Variants in HCN2 observed in about 807,000 individuals in gnomAD.
The protein encoded by HCN2 is potassium/sodium hyperpolarization-activated cyclic nucleotide-gated channel 2.
In HCN2, 20 loss-of-function variants were observed where a neutral mutation model predicts 52.3. The observed-to-expected ratio is 0.38, with a 90% CI of 0.27 to 0.56. The LOEUF is 0.56. Ranked by LOEUF, HCN2 falls within the 20% of genes least tolerant of loss-of-function variation. The pLI is 0.71. For missense variants in HCN2, 981 were observed against 1,207.7 expected, an observed-to-expected ratio of 0.81 and a Z score of 2.78; for synonymous variants, 694 against 537.0, an observed-to-expected ratio of 1.29 and a Z score of -4.04.
At chr19:610,167 C>T (rs989785416) in intron 4 of HCN2, 92 bp from the exon 5 acceptor site, 2 of 1,470,080 alleles carry the variant, frequency 1.4e-6, no homozygotes, top group East Asian at 2.4e-5. Context: ...GGTGTCTGAC[C>T]CAGCCTCGCC....
intron 1 of HCN2, among the ~76,000 whole-genome samples, 179 bp from the exon 2 acceptor site, chr19:603,365 G>A (rs1326662914): frequency 6.7e-6 from 1 of 148,542 alleles, no homozygotes; most frequent in African/African-American, 2.5e-5. Flanking sequence ...CCAGCCTGAG[G>A]TGTGGGTGCC....
chr19:608,382 G>A (rs1002266568), intron 4 of HCN2, among the ~76,000 whole-genome samples, 200 bp downstream of exon 4: 11 of 151,474 alleles, frequency 7.3e-5, no homozygotes, highest in Non-Finnish European at 1.2e-4. Context: ...GGGGAGGGGC[G>A]GGCCCGGCCC....
At position 616,836 on chromosome 19, in the gene HCN2, G is replaced by GC. The variant is rs1014575910; in HGVS notation, c.*367dup. ...CCGCCCGCCCCCCACCCTCTAGGTG[G>GC]CCCCCGTCCGAGGAGGATCGTTTTC... On this transcript the variant is annotated 3_prime_UTR_variant, in exon 8 of 8. Coordinates refer to ENST00000251287, the MANE Select transcript of HCN2 (RefSeq NM_001194.4). 5.2e-6 allele frequency: 1 copy of GC among 192,348 alleles called. No homozygotes were observed. Among genetic ancestry groups the GC allele is most frequent in the African/African-American group, 2.4e-5 (1 of 41,888 alleles). 11.9% of individuals were successfully genotyped at this position (192,348 alleles called of 1,614,324 possible).
intron 1 of HCN2, among the ~76,000 whole-genome samples, chr19:594,267 A>G (rs2077889351): frequency 6.6e-6 from 1 of 152,072 alleles, no homozygotes; most frequent in African/African-American, 2.4e-5. Context: ...AGACCTGGGC[A>G]GATCCGGGGT....
intron 1 of HCN2, among the ~76,000 whole-genome samples, chr19:594,600 G>A (rs1477619316): frequency 3.9e-5 from 6 of 152,292 alleles, no homozygotes; most frequent in East Asian, 1.9e-4. Context: ...ATGGCTGAGT[G>A]GGTCAGCGGG....
chr19:590,357 C>T lies in HCN2; in HGVS notation c.412C>T (p.Pro138Ser). The change falls in exon 1 of 8, where the codon CCG (proline) becomes TCG (serine). Residue 138 changes from proline to serine, a missense_variant. Physicochemically the swap from Pro to Ser is moderately conservative, Grantham distance 74. Transcript: ENST00000251287. The surrounding 1 kb of genome is among the most constrained non-coding windows in gnomAD (Gnocchi z 7.2). ...GGCGGCCTCGGGGCCCGCGCCGGGG[C>T]CGGGGCCGGCGGAGGAGGCGGGCAG... ...RGAASGPAPGPGPAEEAGSEE... is the reference protein window; with the variant it reads ...RGAASGPAPGSGPAEEAGSEE... 8.9e-7 allele frequency: 1 copy of T among 1,124,274 alleles called. No homozygotes were observed. The highest frequency in any genetic ancestry group is 1.1e-6 in the Non-Finnish European group (1 of 920,370). The allele number at this position is 1,124,274 out of a possible 1,614,324, so 69.6% of individuals were successfully genotyped here.
chr19:597,482 T>C (rs1983064184), intron 1 of HCN2, among the ~76,000 whole-genome samples: 1 of 151,988 alleles, frequency 6.6e-6, no homozygotes, highest in Non-Finnish European at 1.5e-5. Context: ...TGGTGGTTTC[T>C]AGGTCTCCTT....
intron 4 of HCN2, among the ~76,000 whole-genome samples, chr19:608,677 C>T (rs904989655): frequency 1.3e-5 from 2 of 151,874 alleles, no homozygotes; most frequent in Non-Finnish European, 2.9e-5. Context: ...TCGGGAAGCC[C>T]CCGGGCTGAA....
At chr19:613,831 C>G (rs751602379) in intron 6 of HCN2, 21 bp from the exon 7 acceptor site, 11 of 1,524,166 alleles carry the variant, frequency 7.2e-6, no homozygotes, top group Non-Finnish European at 9.6e-6. Flanking sequence ...CCAGCAACCC[C>G]CCCCTGCGCG....
At position 589,895 on chromosome 19, in the gene HCN2, CCGGCGG is replaced by C; in HGVS notation, c.-37_-32del. The C allele has an allele frequency of 3.7e-5, 26 of 712,166 alleles. No individual in the cohort carries two copies. Among genetic ancestry groups the C allele is most frequent in the Non-Finnish European group, 4.2e-5 (25 of 593,148 alleles). The allele number at this position is 712,166 out of a possible 1,614,324, so 44.1% of individuals were successfully genotyped here. A position where few individuals can be genotyped will look rare whatever the true frequency, so the allele number is the denominator to read the frequency against. On this transcript the variant is annotated 5_prime_UTR_variant, in exon 1 of 8. Transcript: ENST00000251287. ...GCCTCCCCCCTCCCTCGGGCTCCGG[CCGGCGG>C]CGGCGGCGGCGGCTCCGCTCCGCAC...
intron 3 of HCN2, among the ~76,000 whole-genome samples, 181 bp from the exon 4 acceptor site, chr19:607,782 CA>C (rs1425479678): frequency 1.3e-5 from 2 of 152,230 alleles, no homozygotes; most frequent in Non-Finnish European, 2.9e-5. Context: ...CCTGCCAACT[CA>C]CTGTGACAAG....
rs533345141 is a variant in HCN2 at position 616,552 on chromosome 19, GC to G, written c.*82del. 1.4e-3 allele frequency: 1,194 copies of G among 845,310 alleles called. 11 individuals are homozygous for G. The African/African-American group carries it at 0.017, about 12-fold the overall frequency. The allele number at this position is 845,310 out of a possible 1,614,324, so 52.4% of individuals were successfully genotyped here. ...CAGACCAAAGCCATGCCATTGCGCT[GC>G]CCCGGCCGCCAGTCCGCCCAGAAGC... On this transcript the variant is annotated 3_prime_UTR_variant, in exon 8 of 8. Transcript: ENST00000251287.
chr19:605,248 G>T (rs368674625), intron 3 of HCN2, 26 bp downstream of exon 3: 32 of 1,606,860 alleles, frequency 2.0e-5, no homozygotes, highest in Admixed American at 5.0e-5. Context: ...CCTGACGGAG[G>T]GGGAGACGCA....
chr19:601,848 C>T (rs532157517), intron 1 of HCN2, among the ~76,000 whole-genome samples: 12 of 152,056 alleles, frequency 7.9e-5, no homozygotes, highest in African/African-American at 2.4e-4. Flanking sequence ...GGCCCTGAAC[C>T]GACAGGACCT....
At position 616,211 on chromosome 19, in the gene HCN2, C is replaced by T; in HGVS notation, c.2407C>T (p.Leu803Phe). Residue 803 changes from leucine to phenylalanine, a missense_variant, in exon 8 of 8, where the codon CTT (leucine) becomes TTT (phenylalanine). Coordinates refer to ENST00000251287, the MANE Select transcript of HCN2 (RefSeq NM_001194.4). ...CTACGGCGGCCTGCCCGCCGCCCCC[C>T]TTGCTGGGCCCGCCCTGCCCGCGCG... ...SPYGGLPAAP[L>F]AGPALPARRL... The T allele has an allele frequency of 4.1e-6, 4 of 987,638 alleles. No homozygotes were observed. The highest frequency in any genetic ancestry group is 4.8e-6 in the Non-Finnish European group (4 of 832,680). The allele number at this position is 987,638 out of a possible 1,614,324, so 61.2% of individuals were successfully genotyped here.
At position 592,644 on chromosome 19, in the gene HCN2, G is replaced by T. The variant is rs1393601713; in HGVS notation, c.632+2067G>T. Among the ~76,000 whole-genome samples the T allele has an allele frequency of 6.6e-6, 1 of 152,116 alleles. No individual in the cohort carries two copies. Among genetic ancestry groups the T allele is most frequent in the Non-Finnish European group, 1.5e-5 (1 of 68,004 alleles). ...GGGACTAGGGGAGTCACGGCAGTCA[G>T]ATTTTAAAAAAGGATTTCGATGTTG... On this transcript the variant is annotated intron_variant, in intron 1 of 7. Coordinates refer to ENST00000251287, the MANE Select transcript of HCN2 (RefSeq NM_001194.4). This position sits in a 1 kb window ranked among gnomAD's most constrained non-coding sequence, Gnocchi z 4.8.
At chr19:613,186 C>A (rs929265932) in intron 5 of HCN2, 62 bp from the exon 6 acceptor site, 2 of 1,537,588 alleles carry the variant, frequency 1.3e-6, no homozygotes, top group Non-Finnish European at 8.8e-7. Context: ...GTCCCAGAGG[C>A]AGGGCGAGGG....
rs142072194 is a variant in HCN2, at chr19:615,869, G to A, written c.2065G>A (p.Ala689Thr). ...GGGCGTATTCAACAACCAGGAGAAC[G>A]CCATCATCCAGGAGATCGTCAAGTA... ...NSGVFNNQEN[A>T]IIQEIVKYDR... The change falls in exon 8 of 8, where the codon GCC (alanine) becomes ACC (threonine). Residue 689 changes from alanine to threonine, a missense_variant. Coordinates refer to ENST00000251287, the MANE Select transcript of HCN2 (RefSeq NM_001194.4). The A allele has an allele frequency of 1.1e-5, 18 of 1,613,048 alleles. No homozygotes were observed. Among genetic ancestry groups the A allele is most frequent in the Non-Finnish European group, 1.4e-5 (17 of 1,179,882 alleles).
chr19:604,925 G>GTGGGGGT lies in HCN2; in HGVS notation c.1057-136_1057-135insTGGGGGT, dbSNP rs1600526930. 4.3e-6 allele frequency: 4 copies of GTGGGGGT among 923,342 alleles called. No homozygotes were observed. The East Asian group carries it at 8.4e-5, about 19-fold the overall frequency. 57.2% of individuals were successfully genotyped at this position (923,342 alleles called of 1,614,324 possible). ...TCCCGGGGCAGGGCTGCAGGGTGGG[G>GTGGGGGT]CGGGGGTCCTGTGCGGGGCCTTGGA... On this transcript the variant is annotated intron_variant, in intron 2 of 7. Transcript: ENST00000251287.
Sources: gnomAD v4.1 joint callset for allele counts (sites outside exome capture counted in the v4.1 genomes callset) on GRCh38, gnomAD v4.1.1 for gene constraint, Gnocchi (gnomAD v3.1) non-coding constraint, MANE v1.5 for transcripts, NCBI Gene and HGNC (gene_info 2026-07-23, HGNC 2026-07-21) for gene names.